GAS7: variants seen among roughly 807,000 people sequenced by gnomAD.
The protein encoded by GAS7 is growth arrest specific 7, also known as growth arrest-specific protein 7.
GAS7 carries 28 observed loss-of-function variants against 71.1 expected under a neutral mutation model. That is an observed-to-expected ratio of 0.39 (90% CI 0.29 to 0.54). The LOEUF (loss-of-function observed/expected upper bound fraction) is 0.54, where lower values mean the gene tolerates loss of function less well. GAS7 is among the 20% of genes least tolerant of loss of function. The pLI, the probability that GAS7 is intolerant of heterozygous loss-of-function variation, is 0.62. For synonymous variants in GAS7, 258 were observed against 245.8 expected (o/e 1.05, Z -0.46); for missense variants, 436 against 627.8 (o/e 0.69, Z 3.27).
intron 1 of GAS7, among the ~76,000 whole-genome samples, chr17:10,040,056 G>A (rs961934940): frequency 3.3e-5 from 5 of 152,186 alleles, no homozygotes; most frequent in Non-Finnish European, 5.9e-5. Flanking sequence ...TGAGGATCTT[G>A]TACTGAGCAC....
chr17:10,009,690 C>A (rs57503441), intron 2 of GAS7, among the ~76,000 whole-genome samples: 10,654 of 137,728 alleles, frequency 0.077, 1,319 homozygotes, highest in African/African-American at 0.28. Context: ...AAAAAAAAAA[C>A]CAAACAAAAA....
In GAS7 at chr17:9,916,051, C is replaced by T. The variant is rs944634344; in HGVS notation, c.*1177G>A. ...CAGAAGGAGCGGGAAGCAAAGGTGG[C>T]GGGACACTGCCTGAAAGGCGACAAC... is the stretch of plus-strand genomic sequence containing the variant. On this transcript the variant is annotated 3_prime_UTR_variant, in exon 14 of 14. Transcript: ENST00000432992. The T allele has an allele frequency of 2.6e-5, 6 of 232,750 alleles. No individual in the cohort carries two copies. Among genetic ancestry groups the T allele is most frequent in the East Asian group, 1.8e-4 (3 of 16,494 alleles). The allele number at this position is 232,750 out of a possible 1,614,324, so 14.4% of individuals were successfully genotyped here.
Position 9,969,827 on chromosome 17 carries a change from C to G in GAS7, c.386-65G>C. ...ACAGATGGGCACCCCCGCCTTTCGT[C>G]CACTGCAGCCCCTTTTCCCACCTCC... On this transcript the variant is annotated intron_variant, in intron 3 of 13. Coordinates refer to ENST00000432992, the MANE Select transcript of GAS7 (RefSeq NM_201433.2). The surrounding 1 kb of genome is among the most constrained non-coding windows in gnomAD (Gnocchi z 5.5). 9.9e-7 allele frequency: 1 copy of G among 1,012,504 alleles called. No individual in the cohort carries two copies. The highest frequency in any genetic ancestry group is 1.6e-6 in the Non-Finnish European group (1 of 635,440). 62.7% of individuals were successfully genotyped at this position (1,012,504 alleles called of 1,614,324 possible).
At chr17:9,930,986 A>G (rs1368093449) in intron 9 of GAS7, among the ~76,000 whole-genome samples, 1 of 152,178 alleles carries the variant, frequency 6.6e-6, no homozygotes, top group African/African-American at 2.4e-5. Flanking sequence ...ACACTAACTT[A>G]AAATGTTCTG....
intron 1 of GAS7, among the ~76,000 whole-genome samples, chr17:10,095,966 C>T (rs980705115): frequency 6.6e-6 from 1 of 152,142 alleles, no homozygotes; most frequent in African/African-American, 2.4e-5. Flanking sequence ...CCTCATTCCT[C>T]AACCTGGCTG....
At chr17:10,159,150 C>A (rs2074232272) in intron 1 of GAS7, among the ~76,000 whole-genome samples, 1 of 144,648 alleles carries the variant, frequency 6.9e-6, no homozygotes, top group Non-Finnish European at 1.5e-5. Context: ...ACCCAAATGA[C>A]TAAAATCTGT....
chr17:9,967,027 C>T (rs138295742), intron 4 of GAS7, among the ~76,000 whole-genome samples: 68 of 152,222 alleles, frequency 4.5e-4, no homozygotes, highest in Middle Eastern at 3.4e-3. Context: ...ATTTTTGTTA[C>T]CCTGATGACA....
intron 1 of GAS7, among the ~76,000 whole-genome samples, chr17:10,125,536 AG>A (rs60636466): frequency 0.24 from 14,208 of 60,024 alleles, 1,086 homozygotes; most frequent in East Asian, 0.33. Flanking sequence ...AAAAAAAAAA[AG>A]AAAAAAAAAA....
intron 2 of GAS7, among the ~76,000 whole-genome samples, chr17:10,008,356 T>C (rs2071621575): frequency 6.6e-6 from 1 of 152,232 alleles, no homozygotes. Flanking sequence ...TGCTAATCAC[T>C]GACTCCAGCT....
At chr17:10,102,107 T>TC in intron 1 of GAS7, among the ~76,000 whole-genome samples, 1 of 150,702 alleles carries the variant, frequency 6.6e-6, no homozygotes. Flanking sequence ...ACATTTTTTT[T>TC]CAAGGAAGAA....
chr17:10,119,880 C>T (rs552958393), intron 1 of GAS7, among the ~76,000 whole-genome samples: 24 of 152,282 alleles, frequency 1.6e-4, no homozygotes, highest in African/African-American at 5.5e-4. Flanking sequence ...CCTGACTATT[C>T]TCACGCCCAG....
intron 1 of GAS7, among the ~76,000 whole-genome samples, chr17:10,138,286 A>G (rs1230555370): frequency 6.6e-6 from 1 of 152,154 alleles, no homozygotes; most frequent in East Asian, 1.9e-4. Flanking sequence ...ACAGATGTGA[A>G]GGCACTTAAA....
intron 2 of GAS7, among the ~76,000 whole-genome samples, chr17:9,982,824 G>GGAAAGAAAGGAAAGAAA (rs1555611352): frequency 1.1e-3 from 123 of 116,236 alleles, no homozygotes; most frequent in Non-Finnish European, 1.7e-3. Context: ...AGGAAAGAAA[G>GGAAAGAAAGGAAAGAAA]GAAAGAAAGA....
intron 1 of GAS7, among the ~76,000 whole-genome samples, chr17:10,021,970 G>A (rs2072288179): frequency 1.3e-5 from 2 of 152,086 alleles, no homozygotes; most frequent in African/African-American, 4.8e-5. Context: ...TAAAACTGAG[G>A]GTTAGGGCCA....
chr17:10,167,668 T>C (rs1432875393), intron 1 of GAS7, among the ~76,000 whole-genome samples: 2 of 152,190 alleles, frequency 1.3e-5, no homozygotes, highest in Non-Finnish European at 2.9e-5. Context: ...TTTTTTCTTT[T>C]TTTTTCTGTG....
intron 5 of GAS7, among the ~76,000 whole-genome samples, chr17:9,952,354 T>C (rs1253295113): frequency 6.6e-6 from 1 of 151,280 alleles, no homozygotes; most frequent in Non-Finnish European, 1.5e-5. Flanking sequence ...GCTCTTAAGA[T>C]CCTACATGGC....
chr17:9,952,285 G>T lies in GAS7; in HGVS notation c.526-5302C>A, dbSNP rs114282105. Among the ~76,000 whole-genome samples the T allele has an allele frequency of 6.8e-3, 1,036 of 152,304 alleles. 18 individuals carry two copies. The highest frequency in any genetic ancestry group is 0.024 in the African/African-American group (979 of 41,562). On this transcript the variant is annotated intron_variant, in intron 5 of 13. Coordinates refer to ENST00000432992, the MANE Select transcript of GAS7 (RefSeq NM_201433.2). ...TTAGCAGGGACAGGGACAGCCCCTGGGGGAGACCTTGTGCCCACCACAATG... is the reference window on the plus strand; with the variant it reads ...TTAGCAGGGACAGGGACAGCCCCTGTGGGAGACCTTGTGCCCACCACAATG...
chr17:10,125,219 T>A (rs898973094), intron 1 of GAS7, among the ~76,000 whole-genome samples: 10 of 151,790 alleles, frequency 6.6e-5, no homozygotes, highest in Admixed American at 2.0e-4. Flanking sequence ...ATATTAAATT[T>A]AAAAAAAATA....
chr17:10,043,119 C>T (rs745744596), intron 1 of GAS7, among the ~76,000 whole-genome samples: 1 of 152,126 alleles, frequency 6.6e-6, no homozygotes, highest in Non-Finnish European at 1.5e-5. Flanking sequence ...AACCTTGGGG[C>T]ATGCTCTTGC....
Sources: allele counts gnomAD v4.1 joint callset (sites outside exome capture counted in the v4.1 genomes callset), GRCh38; gene constraint gnomAD v4.1.1; non-coding constraint Gnocchi (gnomAD v3.1); transcripts MANE v1.5; gene names NCBI Gene and HGNC (gene_info 2026-07-23, HGNC 2026-07-21).